Variants in CWH43 observed in about 807,000 individuals in gnomAD.
The protein encoded by CWH43 is PGAP2-interacting protein.
CWH43 carries 91 observed loss-of-function variants against 85.7 expected under a neutral mutation model. The ratio of observed to expected loss-of-function variants is 1.06; its 90% CI spans 0.90 to 1.26. The LOEUF (loss-of-function observed/expected upper bound fraction) is 1.26. CWH43 is among the 50% of genes most tolerant of loss of function. The pLI, the probability that CWH43 is intolerant of heterozygous loss-of-function variation, is 0.00. For missense variants in CWH43, 869 were observed against 839.2 expected (o/e 1.04, Z -0.44); for synonymous variants, 323 against 293.6 (o/e 1.10, Z -1.02).
At chr4:49,008,575 C>T (rs1018728308) in intron 8 of CWH43, among the ~76,000 whole-genome samples, 2 of 152,108 alleles carry the variant, frequency 1.3e-5, no homozygotes, top group Non-Finnish European at 2.9e-5. Context: ...ATGGTATTGC[C>T]TAGGTTTTCT....
chr4:49,014,996 C>G (rs922629968), intron 8 of CWH43, among the ~76,000 whole-genome samples: 3 of 152,092 alleles, frequency 2.0e-5, no homozygotes, highest in Non-Finnish European at 2.9e-5. Flanking sequence ...ATACAGAATA[C>G]TTTCTCTGCC....
rs137939687 is a variant in CWH43 at position 49,016,427 on chromosome 4, C to T, written c.1187-822C>T. Reference sequence around the variant, plus strand: ...AAGAAGGGAGAGGATGGTTTATCTCCTGCCTTCACTGGGGCCTAGGGGACC... The same window carrying T: ...AAGAAGGGAGAGGATGGTTTATCTCTTGCCTTCACTGGGGCCTAGGGGACC... On this transcript the variant is annotated intron_variant, in intron 8 of 15. Coordinates refer to ENST00000226432, the MANE Select transcript of CWH43 (RefSeq NM_025087.3). Among the ~76,000 whole-genome samples the T allele has an allele frequency of 2.6e-4, 40 of 152,158 alleles. No individual in the cohort carries two copies. In the East Asian group the frequency reaches 7.2e-3, roughly 27 times the overall value.
At chr4:49,041,148 C>T (rs1254162818) in intron 13 of CWH43, among the ~76,000 whole-genome samples, 1 of 152,088 alleles carries the variant, frequency 6.6e-6, no homozygotes, top group Non-Finnish European at 1.5e-5. Flanking sequence ...TTACTGTAGC[C>T]TTGTAGTATA....
chr4:49,000,278 T>C (rs1187364935), intron 6 of CWH43, among the ~76,000 whole-genome samples: 1 of 152,192 alleles, frequency 6.6e-6, no homozygotes, highest in Non-Finnish European at 1.5e-5. Context: ...CATGGAAATG[T>C]ATGTGTAATC....
chr4:49,028,530 T>C (rs538352395), intron 9 of CWH43, 99 bp from the exon 10 acceptor site: 3 of 693,400 alleles, frequency 4.3e-6, no homozygotes, highest in Non-Finnish European at 7.3e-6. Context: ...ATTCCTTTGC[T>C]GAAATAAGAA....
chr4:49,032,327 C>G (rs762137177), intron 11 of CWH43, among the ~76,000 whole-genome samples: 2 of 152,098 alleles, frequency 1.3e-5, no homozygotes, highest in Non-Finnish European at 2.9e-5. Flanking sequence ...TTTCATGTGT[C>G]CATAGCACTT....
intron 13 of CWH43, 81 bp from the exon 14 acceptor site, chr4:49,044,705 G>T: frequency 9.8e-7 from 1 of 1,019,666 alleles, no homozygotes; most frequent in South Asian, 1.4e-5. Context: ...TATTTATCAT[G>T]TAGCTCACAC....
At chr4:49,032,766 TAAC>T (rs1432122841) in intron 12 of CWH43, 51 bp downstream of exon 12, 10 of 1,590,726 alleles carry the variant, frequency 6.3e-6, no homozygotes, top group Non-Finnish European at 7.8e-6. Flanking sequence ...GAAATGTTAT[TAAC>T]AATGTACTTT....
At position 49,045,990 on chromosome 4, in the gene CWH43, C is replaced by T. The variant is rs570316841; in HGVS notation, c.1865+1143C>T. 2.8e-3 allele frequency among the ~76,000 whole-genome samples: 419 copies of T among 152,206 alleles called. 3 individuals carry two copies. Among genetic ancestry groups the T allele is most frequent in the African/African-American group, 9.4e-3 (391 of 41,544 alleles). ...CTGTAACATTGTACCCATTGACTAA[C>T]ATCTCCCCATCTCTCCCTTCTCCCT... On this transcript the variant is annotated intron_variant, in intron 14 of 15. Coordinates refer to ENST00000226432, the MANE Select transcript of CWH43 (RefSeq NM_025087.3).
intron 15 of CWH43, among the ~76,000 whole-genome samples, chr4:49,051,558 GA>G (rs1784798917): frequency 6.6e-6 from 1 of 152,170 alleles, no homozygotes; most frequent in Admixed American, 6.5e-5. Flanking sequence ...CATCACATGT[GA>G]AAAATTCATT....
intron 9 of CWH43, among the ~76,000 whole-genome samples, chr4:49,022,308 A>G (rs1051014810): frequency 6.6e-5 from 10 of 152,314 alleles, no homozygotes; most frequent in African/African-American, 1.7e-4. Flanking sequence ...TGAGATGATC[A>G]TGTGATTTTT....
At chr4:48,988,798 G>A (rs7668185) in intron 2 of CWH43, 130 bp downstream of exon 2, 1 of 602,392 alleles carries the variant, frequency 1.7e-6, no homozygotes, top group African/African-American at 1.9e-5. Flanking sequence ...CCTTACCACT[G>A]CCTTAGAAGA....
chr4:49,027,049 C>T (rs539294397), intron 9 of CWH43, among the ~76,000 whole-genome samples: 7 of 152,280 alleles, frequency 4.6e-5, no homozygotes, highest in African/African-American at 1.7e-4. Flanking sequence ...GTGCCTCAAG[C>T]AGGAGAGTGA....
intron 8 of CWH43, among the ~76,000 whole-genome samples, chr4:49,016,256 C>A (rs925525073): frequency 1.3e-5 from 2 of 152,118 alleles, no homozygotes; most frequent in Non-Finnish European, 2.9e-5. Context: ...TATTTTAAAA[C>A]AAATTTAGGT....
At chr4:49,031,216 C>T in intron 11 of CWH43, 1 of 364,636 alleles carries the variant, frequency 2.7e-6, no homozygotes, top group South Asian at 8.5e-5. Context: ...GCATGTCTGG[C>T]CTGGATGCTG....
At chr4:49,044,574 T>C (rs1187651015) in intron 13 of CWH43, among the ~76,000 whole-genome samples, 1 of 152,138 alleles carries the variant, frequency 6.6e-6, no homozygotes, top group Non-Finnish European at 1.5e-5. Flanking sequence ...TCTTAGCATG[T>C]GGTACAGAAG....
At chr4:49,030,327 C>T (rs1030994484) in intron 10 of CWH43, among the ~76,000 whole-genome samples, 3 of 152,178 alleles carry the variant, frequency 2.0e-5, no homozygotes, top group African/African-American at 7.2e-5. Context: ...ATATGAGTGT[C>T]TATATGGATG....
intron 9 of CWH43, among the ~76,000 whole-genome samples, chr4:49,017,590 A>G (rs1783595369): frequency 6.6e-6 from 1 of 152,216 alleles, no homozygotes; most frequent in Non-Finnish European, 1.5e-5. Flanking sequence ...TCATGATTTA[A>G]CATATCTGAA....
intron 12 of CWH43, among the ~76,000 whole-genome samples, chr4:49,035,529 G>C (rs1470679123): frequency 6.6e-6 from 1 of 152,202 alleles, no homozygotes; most frequent in African/African-American, 2.4e-5. Flanking sequence ...CTATGTTCTA[G>C]ATTTGGTTCC....
Sources: gnomAD v4.1 joint callset for allele counts (sites outside exome capture counted in the v4.1 genomes callset) on GRCh38, gnomAD v4.1.1 for gene constraint, MANE v1.5 for transcripts, NCBI Gene and HGNC (gene_info 2026-07-23, HGNC 2026-07-21) for gene names.